The following PARD6G variants were observed in gnomAD, a reference collection of about 807,000 sequenced individuals.
The protein encoded by PARD6G is partitioning defective 6 homolog gamma.
Under a neutral mutation model 10.7 loss-of-function variants are expected in PARD6G, and 7 were observed. That is an observed-to-expected ratio of 0.66 (90% CI 0.37 to 1.23). The LOEUF is 1.23. Ranked by LOEUF, PARD6G falls within the 50% of genes most tolerant of loss-of-function variation. PARD6G has a pLI of 0.02. For missense variants in PARD6G, 548 were observed against 571.8 expected (o/e 0.96, Z 0.42); for synonymous variants, 287 against 269.4 (o/e 1.07, Z -0.64).
chr18:80,159,945 G>T lies in PARD6G; in HGVS notation c.957C>A (p.Pro319=). 1.3e-6 allele frequency: 2 copies of T among 1,496,614 alleles called. No individual in the cohort carries two copies. The highest frequency in any genetic ancestry group is 1.8e-6 in the Non-Finnish European group (2 of 1,132,444). 92.7% of individuals were successfully genotyped at this position (1,496,614 alleles called of 1,614,324 possible). A position where few individuals can be genotyped will look rare whatever the true frequency, so the allele number is the denominator to read the frequency against. The change falls in exon 3 of 3, where the codon CCC becomes CCA. Residue 319 remains proline, a synonymous_variant. Coordinates refer to ENST00000353265, the MANE Select transcript of PARD6G (RefSeq NM_032510.4). The part of the protein sequence containing the change: ...PARPPQTPGA[P]AGSLSRVNGA... ...CATTGACCCGGGAGAGGCTGCCTGCGGGCGCGCCCGGGGTCTGGGGGGGAC... is the reference window on the plus strand; with the variant it reads ...CATTGACCCGGGAGAGGCTGCCTGCTGGCGCGCCCGGGGTCTGGGGGGGAC...
intron 2 of PARD6G, among the ~76,000 whole-genome samples, chr18:80,173,450 C>A (rs1166562250): frequency 6.6e-6 from 1 of 152,072 alleles, no homozygotes; most frequent in Non-Finnish European, 1.5e-5. Flanking sequence ...CATGGTGAGA[C>A]CTCATCTCTA....
intron 1 of PARD6G, among the ~76,000 whole-genome samples, chr18:80,214,987 A>C (rs907222007): frequency 6.6e-6 from 1 of 151,630 alleles, no homozygotes; most frequent in Non-Finnish European, 1.5e-5. Context: ...CCTCTTGTAT[A>C]AGAGATCATC....
At chr18:80,170,120 C>T (rs1002957448) in intron 2 of PARD6G, 2 of 152,222 alleles carry the variant, frequency 1.3e-5, no homozygotes, top group African/African-American at 4.8e-5. Flanking sequence ...AAAAATACCG[C>T]AGAAGAACTA....
intron 2 of PARD6G, among the ~76,000 whole-genome samples, chr18:80,167,348 G>C (rs550666118): frequency 2.1e-4 from 31 of 147,692 alleles, no homozygotes; most frequent in Non-Finnish European, 3.7e-4. Context: ...GCGTGTGGAT[G>C]TGTGTGCAGG....
chr18:80,212,573 C>T (rs1030158843), intron 1 of PARD6G, among the ~76,000 whole-genome samples: 2 of 152,184 alleles, frequency 1.3e-5, no homozygotes, highest in African/African-American at 4.8e-5. Context: ...CACTGATTCA[C>T]CAAAAATTGG....
intron 2 of PARD6G, 160 bp downstream of exon 2, chr18:80,202,550 T>G: frequency 1.7e-6 from 1 of 597,482 alleles, no homozygotes; most frequent in Non-Finnish European, 3.0e-6. Flanking sequence ...GTTTAGTATT[T>G]TGTCTATTAA....
chr18:80,190,701 A>G (rs2145271207), intron 2 of PARD6G, among the ~76,000 whole-genome samples: 1 of 152,270 alleles, frequency 6.6e-6, no homozygotes, highest in East Asian at 1.9e-4. Context: ...ATTGGAGACC[A>G]TGGATTTGAG....
chr18:80,232,775 T>C (rs1458000526), intron 1 of PARD6G, among the ~76,000 whole-genome samples: 3 of 152,134 alleles, frequency 2.0e-5, no homozygotes, highest in Admixed American at 6.5e-5. Context: ...CCAGCATTCA[T>C]GGGCAGGATC....
intron 1 of PARD6G, among the ~76,000 whole-genome samples, chr18:80,212,784 C>T (rs1023717453): frequency 6.6e-6 from 1 of 151,986 alleles, no homozygotes; most frequent in East Asian, 1.9e-4. Context: ...ACTCAGGAGG[C>T]TGAGACAGGA....
intron 2 of PARD6G, among the ~76,000 whole-genome samples, chr18:80,163,116 C>T (rs2052711634): frequency 1.3e-5 from 2 of 152,282 alleles, no homozygotes; most frequent in South Asian, 4.1e-4. Flanking sequence ...AATCTATGCA[C>T]TTTCAAGAAG....
intron 1 of PARD6G, among the ~76,000 whole-genome samples, chr18:80,229,370 CA>C (rs768925766): frequency 6.6e-6 from 1 of 152,250 alleles, no homozygotes; most frequent in African/African-American, 2.4e-5. Context: ...TACCTTGGCA[CA>C]AAACAGAGCA....
chr18:80,213,866 G>A (rs1209797136), intron 1 of PARD6G, among the ~76,000 whole-genome samples: 2 of 148,944 alleles, frequency 1.3e-5, no homozygotes, highest in Non-Finnish European at 3.0e-5. Flanking sequence ...GCTGAGGCAG[G>A]AGAATGGCAT....
rs558105608 is a variant in PARD6G, at chr18:80,180,146, C to T, written c.296-19540G>A. Among the ~76,000 whole-genome samples, 81 of 152,340 alleles carry T rather than the reference C, an allele frequency of 5.3e-4. 1 individual carries two copies. In the Middle Eastern group the frequency reaches 0.01, roughly 19 times the overall value. Reference sequence around the variant, plus strand: ...TGGCTGGGTGAACCAGGGCCCGGGACGGGAATGGCCATTGGTGTGTCAGCT... The same window carrying T: ...TGGCTGGGTGAACCAGGGCCCGGGATGGGAATGGCCATTGGTGTGTCAGCT... On this transcript the variant is annotated intron_variant, in intron 2 of 2. Transcript: ENST00000353265. The surrounding 1 kb of genome is among the most constrained non-coding windows in gnomAD (Gnocchi z 5.6).
intron 1 of PARD6G, among the ~76,000 whole-genome samples, chr18:80,232,724 C>G (rs1238215085): frequency 2.0e-5 from 3 of 152,170 alleles, no homozygotes; most frequent in African/African-American, 7.2e-5. Context: ...CCTGCCCCAT[C>G]TCCACCAGAC....
chr18:80,159,927 C>A lies in PARD6G; in HGVS notation c.975G>T (p.Arg325=). The A allele has an allele frequency of 6.6e-7, 1 of 1,506,862 alleles. No individual in the cohort carries two copies. Among genetic ancestry groups the A allele is most frequent in the Admixed American group, 2.3e-5 (1 of 42,666 alleles). 93.3% of individuals were successfully genotyped at this position (1,506,862 alleles called of 1,614,324 possible). A position where few individuals can be genotyped will look rare whatever the true frequency, so the allele number is the denominator to read the frequency against. ...GCTGCGCCAGGCCCGCGCCATTGAC[C>A]CGGGAGAGGCTGCCTGCGGGCGCGC... ...TPGAPAGSLS[R]VNGAGLAQRL... Residue 325 remains arginine (R), a synonymous_variant, in exon 3 of 3, where the codon CGG becomes CGT. Coordinates refer to ENST00000353265, the MANE Select transcript of PARD6G (RefSeq NM_032510.4).
At chr18:80,167,332 A>G (rs528355849) in intron 2 of PARD6G, among the ~76,000 whole-genome samples, 1 of 147,664 alleles carries the variant, frequency 6.8e-6, no homozygotes, top group South Asian at 2.1e-4. Context: ...ACACATGGGC[A>G]GTGTTGCGTG....
intron 1 of PARD6G, among the ~76,000 whole-genome samples, chr18:80,243,755 G>C (rs140276701): frequency 6.6e-6 from 1 of 152,114 alleles, no homozygotes; most frequent in African/African-American, 2.4e-5. Flanking sequence ...GTAGAAGAGG[G>C]AGCTGTCTAA....
intron 2 of PARD6G, among the ~76,000 whole-genome samples, chr18:80,186,475 C>G (rs892313132): frequency 2.7e-5 from 4 of 150,340 alleles, no homozygotes; most frequent in Non-Finnish European, 5.9e-5. Context: ...AAGGCTCGCA[C>G]ACCCTCACAT....
intron 1 of PARD6G, among the ~76,000 whole-genome samples, chr18:80,204,090 T>C (rs1237353881): frequency 2.0e-5 from 3 of 152,054 alleles, no homozygotes; most frequent in Non-Finnish European, 2.9e-5. Context: ...CAGGGGGACA[T>C]GAGGTTAGGG....
Sources: allele counts gnomAD v4.1 joint callset (sites outside exome capture counted in the v4.1 genomes callset), GRCh38; gene constraint gnomAD v4.1.1; non-coding constraint Gnocchi (gnomAD v3.1); transcripts MANE v1.5; gene names NCBI Gene and HGNC (gene_info 2026-07-23, HGNC 2026-07-21).